IMMP2L: variants seen among roughly 807,000 people sequenced by gnomAD.
The protein encoded by IMMP2L is mitochondrial inner membrane protease subunit 2.
Under a neutral mutation model 19.3 loss-of-function variants are expected in IMMP2L, and 18 were observed. That is an observed-to-expected ratio of 0.93 (90% CI 0.64 to 1.38). The LOEUF is 1.38. Ranked by LOEUF, IMMP2L falls within the 40% of genes most tolerant of loss-of-function variation. The probability of loss-of-function intolerance (pLI) is 0.00; values close to 1 mark genes in which losing one functional copy is unlikely to be tolerated. For missense variants in IMMP2L, 233 were observed against 218.2 expected (o/e 1.07, Z -0.43); for synonymous variants, 76 against 73.0 (o/e 1.04, Z -0.21).
chr7:110,867,780 G>A (rs1808127892), intron 5 of IMMP2L, among the ~76,000 whole-genome samples: 1 of 151,918 alleles, frequency 6.6e-6, no homozygotes, highest in Admixed American at 6.6e-5. Context: ...TTCAGTAGGG[G>A]AGCCTCAAGC....
At chr7:111,441,667 A>C (rs1837734785) in intron 3 of IMMP2L, among the ~76,000 whole-genome samples, 1 of 151,624 alleles carries the variant, frequency 6.6e-6, no homozygotes, top group African/African-American at 2.4e-5. Flanking sequence ...GTGTTGAAAA[A>C]ATGGTCCCAA....
At chr7:111,064,157 G>A (rs774813791) in intron 3 of IMMP2L, among the ~76,000 whole-genome samples, 17 of 152,160 alleles carry the variant, frequency 1.1e-4, no homozygotes, top group South Asian at 2.1e-4. Flanking sequence ...ATCACACGGC[G>A]GCAGACGAGA....
At chr7:111,509,756 G>T (rs769986406) in intron 2 of IMMP2L, among the ~76,000 whole-genome samples, 6 of 152,036 alleles carry the variant, frequency 3.9e-5, no homozygotes, top group Non-Finnish European at 7.4e-5. Flanking sequence ...TGATGAATTT[G>T]TCAAGAAGCT....
At chr7:110,989,526 T>C (rs1211563931) in intron 3 of IMMP2L, among the ~76,000 whole-genome samples, 3 of 138,066 alleles carry the variant, frequency 2.2e-5, no homozygotes, top group Admixed American at 7.5e-5. Context: ...GAAGACTCTG[T>C]CTCCCAAAAA....
intron 4 of IMMP2L, among the ~76,000 whole-genome samples, chr7:110,944,511 CAG>C (rs1032840921): frequency 2.0e-5 from 3 of 147,838 alleles, no homozygotes; most frequent in African/African-American, 7.3e-5. Context: ...CAGAGAGAGA[CAG>C]AGAGAGAATG....
At chr7:110,732,792 CT>C (rs1251223681) in intron 5 of IMMP2L, among the ~76,000 whole-genome samples, 643 of 140,696 alleles carry the variant, frequency 4.6e-3, no homozygotes, top group Admixed American at 5.1e-3. Context: ...CAATGAATTT[CT>C]TTTTTTTTTT....
At chr7:110,816,892 G>A (rs546376175) in intron 5 of IMMP2L, among the ~76,000 whole-genome samples, 1 of 152,112 alleles carries the variant, frequency 6.6e-6, no homozygotes, top group South Asian at 2.1e-4. Context: ...CTGAATATAC[G>A]ACACTGATGG....
Position 110,924,844 on chromosome 7 carries a change from A to T in IMMP2L, c.306-38149T>A, listed in dbSNP as rs6947385. On this transcript the variant is annotated intron_variant, in intron 4 of 5. Transcript: ENST00000405709. The surrounding 1 kb of genome is among the most constrained non-coding windows in gnomAD (Gnocchi z 4.2). Reference sequence around the variant, plus strand: ...ACAATTTGAAAAAATGTTCTGGTTCATGCCTCTGCCACTACACTGCCTTAG... The same window carrying T: ...ACAATTTGAAAAAATGTTCTGGTTCTTGCCTCTGCCACTACACTGCCTTAG... Among the ~76,000 whole-genome samples the T allele has an allele frequency of 0.015, 2,272 of 152,238 alleles. 61 individuals are homozygous for T. The highest frequency in any genetic ancestry group is 0.052 in the African/African-American group (2,151 of 41,550).
intron 1 of IMMP2L, among the ~76,000 whole-genome samples, chr7:111,531,430 C>T (rs1232424223): frequency 1.3e-5 from 2 of 151,952 alleles, no homozygotes; most frequent in African/African-American, 4.8e-5. Flanking sequence ...TTATCCTTAT[C>T]CTGTAACTCC....
intron 5 of IMMP2L, among the ~76,000 whole-genome samples, chr7:110,813,695 A>G (rs1802216808): frequency 6.6e-6 from 1 of 151,968 alleles, no homozygotes; most frequent in Non-Finnish European, 1.5e-5. Context: ...TAAGAAAGCT[A>G]AGAAGTATAA....
chr7:110,941,952 A>G (rs1304966531), intron 4 of IMMP2L, among the ~76,000 whole-genome samples: 1 of 151,058 alleles, frequency 6.6e-6, no homozygotes, highest in Non-Finnish European at 1.5e-5. Context: ...TAGTACATTT[A>G]AAAAGAAATC....
intron 5 of IMMP2L, among the ~76,000 whole-genome samples, chr7:110,810,141 A>G (rs1246017021): frequency 1.3e-5 from 2 of 152,024 alleles, no homozygotes; most frequent in Non-Finnish European, 2.9e-5. Context: ...TCCCTTGTTT[A>G]GTCCTCTTAA....
chr7:111,408,559 A>G (rs1834097042), intron 3 of IMMP2L, among the ~76,000 whole-genome samples: 1 of 151,774 alleles, frequency 6.6e-6, no homozygotes, highest in Non-Finnish European at 1.5e-5. Flanking sequence ...TGTTCCTGTA[A>G]CTGAAATGTA....
chr7:110,940,849 GA>G (rs35745636), intron 4 of IMMP2L, among the ~76,000 whole-genome samples: 94,081 of 151,820 alleles, frequency 0.62, 29,644 homozygotes, highest in African/African-American at 0.7. Flanking sequence ...TTGGCTTGGG[GA>G]AAAAAAATGA....
At chr7:111,256,209 T>A (rs901835867) in intron 3 of IMMP2L, among the ~76,000 whole-genome samples, 4 of 152,012 alleles carry the variant, frequency 2.6e-5, no homozygotes, top group Non-Finnish European at 5.9e-5. Context: ...ATTAGGTTTA[T>A]TCATACAAAA....
chr7:110,787,227 C>A (rs894361955), intron 5 of IMMP2L, among the ~76,000 whole-genome samples: 3 of 151,732 alleles, frequency 2.0e-5, no homozygotes, highest in African/African-American at 7.3e-5. Context: ...TGCAATATAC[C>A]CCCAGTGAAG....
At chr7:111,007,125 T>C (rs1012317137) in intron 3 of IMMP2L, among the ~76,000 whole-genome samples, 41 of 152,072 alleles carry the variant, frequency 2.7e-4, no homozygotes, top group African/African-American at 9.7e-4. Flanking sequence ...CTTACAATCA[T>C]GGCAGAAAGG....
At chr7:111,554,423 C>A (rs776351007) in intron 1 of IMMP2L, among the ~76,000 whole-genome samples, 2 of 151,994 alleles carry the variant, frequency 1.3e-5, no homozygotes, top group Non-Finnish European at 2.9e-5. Flanking sequence ...ATCGTGGGGC[C>A]ATTAAGGAAT....
intron 4 of IMMP2L, among the ~76,000 whole-genome samples, chr7:110,959,363 T>A (rs77520339): frequency 1.3e-5 from 2 of 151,898 alleles, no homozygotes; most frequent in African/African-American, 4.8e-5. Flanking sequence ...GGGCTTCTAG[T>A]AGTTGACAGC....
Sources: gnomAD v4.1 joint callset for allele counts (sites outside exome capture counted in the v4.1 genomes callset) on GRCh38, gnomAD v4.1.1 for gene constraint, Gnocchi (gnomAD v3.1) non-coding constraint, MANE v1.5 for transcripts, NCBI Gene and HGNC (gene_info 2026-07-23, HGNC 2026-07-21) for gene names.